Variants in RETREG1 observed in about 807,000 individuals in gnomAD.
The protein encoded by RETREG1 is reticulophagy regulator 1, also known as family with sequence similarity 134 member B.
A neutral mutation model predicts 54.8 loss-of-function variants in RETREG1; 44 were observed. The observed-to-expected ratio is 0.80, with a 90% confidence interval of 0.63 to 1.03. The LOEUF (loss-of-function observed/expected upper bound fraction) is 1.03. RETREG1 is among the 50% of genes least tolerant of loss of function. RETREG1 has a pLI of 0.00. For missense variants in RETREG1, 554 were observed against 605.1 expected (o/e 0.92, Z 0.89); for synonymous variants, 217 against 238.5 (o/e 0.91, Z 0.83).
intron 3 of RETREG1, among the ~76,000 whole-genome samples, chr5:16,496,304 C>A (rs191394981): frequency 3.3e-4 from 50 of 152,328 alleles, no homozygotes; most frequent in Non-Finnish European, 6.6e-4. Flanking sequence ...GCATAGAAGT[C>A]CCAGGCTGAT....
At chr5:16,525,194 A>C (rs374899401) in intron 3 of RETREG1, among the ~76,000 whole-genome samples, 23 of 104,006 alleles carry the variant, frequency 2.2e-4, no homozygotes, top group East Asian at 6.5e-4. Flanking sequence ...CTGTGCTGAC[A>C]TGTGTCCTCT....
At chr5:16,523,843 C>A (rs1561103692) in intron 3 of RETREG1, among the ~76,000 whole-genome samples, 1 of 152,200 alleles carries the variant, frequency 6.6e-6, no homozygotes, top group East Asian at 1.9e-4. Context: ...TGTGTTTTCA[C>A]ATACTTTGGG....
At chr5:16,610,125 G>C (rs1305365720) in intron 1 of RETREG1, among the ~76,000 whole-genome samples, 1 of 152,166 alleles carries the variant, frequency 6.6e-6, no homozygotes, top group African/African-American at 2.4e-5. Flanking sequence ...CCCCATTCAG[G>C]CTGGCAGAGA....
intron 4 of RETREG1, among the ~76,000 whole-genome samples, chr5:16,481,460 G>A (rs906974243): frequency 1.3e-5 from 2 of 152,030 alleles, no homozygotes; most frequent in African/African-American, 4.8e-5. Context: ...GGAAATTAAT[G>A]CGGCCTGATA....
In RETREG1 at chr5:16,616,723, G is replaced by T. The variant is rs778368106; in HGVS notation, c.249C>A (p.Ala83=). ...GCCTCTTCCAGCTCAGCAGCTCGTC[G>T]GCGCGGCAGCCCAGCCACAGCACCG... ...GEPVLWLGCR[A]DELLSWKRPL... The change falls in exon 1 of 9, where the codon GCC becomes GCA. Residue 83 remains alanine, a synonymous_variant. Transcript: ENST00000306320. 1 of 1,584,816 alleles carries T rather than the reference G, an allele frequency of 6.3e-7. No homozygotes were observed. The highest frequency in any genetic ancestry group is 1.7e-5 in the Admixed American group (1 of 58,398).
At chr5:16,478,787 C>T in intron 6 of RETREG1, 63 bp downstream of exon 6, 1 of 1,497,300 alleles carries the variant, frequency 6.7e-7, no homozygotes, top group Non-Finnish European at 9.3e-7. Context: ...TAAAGAATTT[C>T]CTAAAAATAG....
Position 16,499,247 on chromosome 5 carries a change from C to T in RETREG1, c.459-15775G>A, listed in dbSNP as rs1319078172. Among the ~76,000 whole-genome samples the T allele has an allele frequency of 3.9e-5, 6 of 152,106 alleles. No homozygotes were observed. In the East Asian group the frequency reaches 7.7e-4, roughly 20 times the overall value. On this transcript the variant is annotated intron_variant, in intron 3 of 8. Transcript: ENST00000306320. ...CATATGCAGCCATGTCCTTATGCGG[C>T]GTATGACTGTATTTAGAATTAACAT...
At chr5:16,524,321 G>A (rs553197115) in intron 3 of RETREG1, among the ~76,000 whole-genome samples, 14 of 152,286 alleles carry the variant, frequency 9.2e-5, no homozygotes, top group African/African-American at 3.1e-4. Flanking sequence ...ATGAACAACA[G>A]CCTACCATTT....
intron 1 of RETREG1, among the ~76,000 whole-genome samples, chr5:16,574,578 C>T (rs1231697193): frequency 6.6e-6 from 1 of 152,146 alleles, no homozygotes; most frequent in Non-Finnish European, 1.5e-5. Flanking sequence ...GTTTGTATGG[C>T]CTGGGCCAGC....
intron 1 of RETREG1, among the ~76,000 whole-genome samples, chr5:16,599,351 G>A (rs565748305): frequency 1.3e-5 from 2 of 152,192 alleles, no homozygotes; most frequent in Non-Finnish European, 2.9e-5. Context: ...TCAAAATCTA[G>A]ACACATATTA....
intron 3 of RETREG1, among the ~76,000 whole-genome samples, chr5:16,493,420 A>C (rs1243137137): frequency 1.3e-5 from 2 of 152,222 alleles, no homozygotes; most frequent in Non-Finnish European, 2.9e-5. Flanking sequence ...TGAGACCTGC[A>C]GGAGATTCAA....
chr5:16,563,022 G>A (rs1045372467), intron 3 of RETREG1, among the ~76,000 whole-genome samples: 3 of 152,162 alleles, frequency 2.0e-5, no homozygotes, highest in African/African-American at 7.2e-5. Context: ...GGGAGTGTAT[G>A]GAAAGTCTGT....
chr5:16,495,587 G>T (rs1424694313), intron 3 of RETREG1, among the ~76,000 whole-genome samples: 1 of 152,316 alleles, frequency 6.6e-6, no homozygotes, highest in Admixed American at 6.5e-5. Context: ...TTCAGAGGGT[G>T]CAAGCCATAA....
intron 3 of RETREG1, among the ~76,000 whole-genome samples, chr5:16,513,605 C>A (rs1489873196): frequency 6.6e-6 from 1 of 152,188 alleles, no homozygotes; most frequent in African/African-American, 2.4e-5. Flanking sequence ...CTAGAGGAAG[C>A]CCCAAAGCCT....
chr5:16,581,604 G>A (rs934428606), intron 1 of RETREG1, among the ~76,000 whole-genome samples: 2 of 151,214 alleles, frequency 1.3e-5, no homozygotes, highest in African/African-American at 2.4e-5. Flanking sequence ...GTCTTTATCC[G>A]AATTAGCCCA....
Position 16,616,811 on chromosome 5 carries a change from C to T in RETREG1, c.161G>A (p.Gly54Glu). The change falls in exon 1 of 9, where the codon GGG (glycine) becomes GAG (glutamate). Residue 54 changes from glycine to glutamate, a missense_variant. Coordinates refer to ENST00000306320, the MANE Select transcript of RETREG1 (RefSeq NM_001034850.3). ...GCCCGCGGCCTCCTCCACCTGCAAC[C>T]CCGCGCCCTCCGCCGCCCCAGCTTC... ...AQEAGAAEGA[G>E]LQVEEAAGRA... The T allele has an allele frequency of 6.6e-7, 1 of 1,518,884 alleles. No homozygotes were observed. The highest frequency in any genetic ancestry group is 8.8e-7 in the Non-Finnish European group (1 of 1,140,596). The allele number at this position is 1,518,884 out of a possible 1,614,324, so 94.1% of individuals were successfully genotyped here. A position where few individuals can be genotyped will look rare whatever the true frequency, so the allele number is the denominator to read the frequency against.
intron 3 of RETREG1, among the ~76,000 whole-genome samples, chr5:16,529,374 T>C (rs1740840579): frequency 6.6e-6 from 1 of 152,186 alleles, no homozygotes; most frequent in Non-Finnish European, 1.5e-5. Context: ...GGGAACGTTG[T>C]TTTTTACCGC....
intron 2 of RETREG1, among the ~76,000 whole-genome samples, chr5:16,569,436 C>T (rs1742112386): frequency 6.6e-6 from 1 of 152,114 alleles, no homozygotes; most frequent in African/African-American, 2.4e-5. Context: ...GGTCTGGTTC[C>T]CCACAGGGAG....
At chr5:16,477,013 GC>G (rs1177258280) in intron 8 of RETREG1, among the ~76,000 whole-genome samples, 3 of 152,238 alleles carry the variant, frequency 2.0e-5, no homozygotes, top group Non-Finnish European at 1.5e-5. Flanking sequence ...CCATACTTCA[GC>G]CCCTTTTAAT....
Sources: allele counts gnomAD v4.1 joint callset (sites outside exome capture counted in the v4.1 genomes callset), GRCh38; gene constraint gnomAD v4.1.1; transcripts MANE v1.5; gene names NCBI Gene and HGNC (gene_info 2026-07-23, HGNC 2026-07-21).